HMCN1: variants seen among roughly 807,000 people sequenced by gnomAD.
HMCN1 encodes hemicentin-1.
In HMCN1, 321 loss-of-function variants were observed where a neutral mutation model predicts 625.9. The ratio of observed to expected loss-of-function variants is 0.51; its 90% CI spans 0.47 to 0.56. The LOEUF (loss-of-function observed/expected upper bound fraction) is 0.56, where lower values mean the gene tolerates loss of function less well. HMCN1 is among the 20% of genes least tolerant of loss of function. HMCN1 has a pLI of 0.00. For synonymous variants in HMCN1, 2,425 were observed against 2,417.6 expected, an observed-to-expected ratio of 1.00 and a Z score of -0.09; for missense variants, 6,588 against 6,887.3, an observed-to-expected ratio of 0.96 and a Z score of 1.54.
chr1:185,777,771 A>G (rs1419999878), intron 1 of HMCN1, among the ~76,000 whole-genome samples: 1 of 152,132 alleles, frequency 6.6e-6, no homozygotes, highest in African/African-American at 2.4e-5. Flanking sequence ...CATCTTATTT[A>G]TGTTAGACAT....
chr1:185,814,042 AG>A (rs1659693567), intron 1 of HMCN1, among the ~76,000 whole-genome samples: 1 of 152,188 alleles, frequency 6.6e-6, no homozygotes, highest in South Asian at 2.1e-4. Flanking sequence ...TTCTACACTT[AG>A]TATTGCATAT....
chr1:186,093,847 T>A (rs1264894062), intron 66 of HMCN1, among the ~76,000 whole-genome samples, 178 bp downstream of exon 66: 10 of 152,134 alleles, frequency 6.6e-5, no homozygotes, highest in Non-Finnish European at 1.3e-4. Flanking sequence ...TGATTTTTTA[T>A]CCTTATTTAA....
chr1:185,764,330 A>G (rs1221387227), intron 1 of HMCN1, among the ~76,000 whole-genome samples: 1 of 152,140 alleles, frequency 6.6e-6, no homozygotes, highest in Non-Finnish European at 1.5e-5. Flanking sequence ...AGGATCCACA[A>G]CTAGTATTTC....
At chr1:186,141,029 C>T (rs148693989) in intron 89 of HMCN1, among the ~76,000 whole-genome samples, 2 of 152,206 alleles carry the variant, frequency 1.3e-5, no homozygotes, top group Admixed American at 1.3e-4. Context: ...GCATGTTTTC[C>T]TGCAACTAGA....
chr1:185,858,817 C>T (rs1662666205), intron 2 of HMCN1, among the ~76,000 whole-genome samples: 1 of 151,106 alleles, frequency 6.6e-6, no homozygotes, highest in African/African-American at 2.4e-5. Flanking sequence ...TAGTTTCAGT[C>T]ACATTTCCAT....
chr1:185,877,806 G>A (rs1450004121), intron 4 of HMCN1, among the ~76,000 whole-genome samples: 9 of 151,776 alleles, frequency 5.9e-5, no homozygotes, highest in Admixed American at 5.9e-4. Context: ...TGTGTCACAG[G>A]GTTTTGGTAT....
chr1:185,788,706 G>A (rs887438377), intron 1 of HMCN1, among the ~76,000 whole-genome samples: 1 of 152,190 alleles, frequency 6.6e-6, no homozygotes, highest in African/African-American at 2.4e-5. Context: ...GTGTGTCCAC[G>A]TGTGCTCTTA....
At chr1:186,158,890 TTTGGCTTAGGATTGAC>T (rs1396568512) in intron 97 of HMCN1, among the ~76,000 whole-genome samples, 1 of 152,172 alleles carries the variant, frequency 6.6e-6, no homozygotes, top group Non-Finnish European at 1.5e-5. Flanking sequence ...GCTTTGTTCT[TTTGGCTTAGGATTGAC>T]TTGGCAATGC....
intron 1 of HMCN1, among the ~76,000 whole-genome samples, chr1:185,824,937 G>A (rs888637212): frequency 3.3e-5 from 5 of 151,990 alleles, no homozygotes; most frequent in East Asian, 1.9e-4. Context: ...CTATTATTGC[G>A]GCCAAAGATA....
At chr1:185,804,879 G>A (rs1339101226) in intron 1 of HMCN1, among the ~76,000 whole-genome samples, 2 of 152,012 alleles carry the variant, frequency 1.3e-5, no homozygotes, top group African/African-American at 4.8e-5. Context: ...ACAGATTCCT[G>A]CTGTTAGAAA....
intron 57 of HMCN1, among the ~76,000 whole-genome samples, chr1:186,085,499 T>C (rs1659422782): frequency 6.6e-6 from 1 of 152,142 alleles, no homozygotes; most frequent in African/African-American, 2.4e-5. Flanking sequence ...TGACCTTAAT[T>C]GCTTCCTTAA....
chr1:186,188,475 A>T (rs1005768246), intron 106 of HMCN1, among the ~76,000 whole-genome samples: 1 of 152,192 alleles, frequency 6.6e-6, no homozygotes, highest in Non-Finnish European at 1.5e-5. Context: ...CTGCCCGTTC[A>T]TACATCATCT....
At chr1:185,777,491 C>T (rs999114106) in intron 1 of HMCN1, among the ~76,000 whole-genome samples, 11 of 151,496 alleles carry the variant, frequency 7.3e-5, no homozygotes, top group South Asian at 4.2e-4. Flanking sequence ...CTCGCTCTGT[C>T]GCCAGGCTGG....
chr1:185,838,784 C>G (rs1017621302), intron 1 of HMCN1, among the ~76,000 whole-genome samples: 1 of 152,174 alleles, frequency 6.6e-6, no homozygotes, highest in Admixed American at 6.6e-5. Flanking sequence ...ATATTTCTGA[C>G]TTTTGTAGCT....
chr1:185,902,405 C>CTATCTATCTCTA (rs903275348), intron 4 of HMCN1, among the ~76,000 whole-genome samples: 160 of 145,446 alleles, frequency 1.1e-3, no homozygotes, highest in African/African-American at 2.0e-3. Flanking sequence ...ATCTATCTAT[C>CTATCTATCTCTA]TCTATCTATC....
intron 83 of HMCN1, 50 bp from the exon 84 acceptor site, chr1:186,129,916 T>G (rs749333278): frequency 6.2e-7 from 1 of 1,610,200 alleles, no homozygotes; most frequent in Non-Finnish European, 8.5e-7. Flanking sequence ...TGTCGTGAAA[T>G]TTTTCCTAGG....
At position 186,069,750 on chromosome 1, in the gene HMCN1, T is replaced by C. The variant is rs1238616916; in HGVS notation, c.7967T>C (p.Ile2656Thr). 6.2e-7 allele frequency: 1 copy of C among 1,612,530 alleles called. No individual in the cohort carries two copies. The highest frequency in any genetic ancestry group is 2.2e-5 in the East Asian group (1 of 44,804). The change falls in exon 51 of 107, where the codon ATA (isoleucine) becomes ACA (threonine). Residue 2656 changes from isoleucine (I) to threonine (T), a missense_variant. Ile to Thr is a moderately conservative substitution (Grantham distance 89). Transcript: ENST00000271588. ...GCCACGAATGAGGCTGGAGAAATGA[T>C]AAAGCACTATGAAGTGAAGGTGTAC... ...CVATNEAGEM[I>T]KHYEVKVYIP...
intron 25 of HMCN1, 45 bp from the exon 26 acceptor site, chr1:185,999,998 TTC>T (rs769693799): frequency 8.2e-5 from 108 of 1,317,138 alleles, no homozygotes; most frequent in Non-Finnish European, 1.1e-4. Context: ...ATTTAATAAT[TTC>T]TGTTTTTGTT....
At chr1:186,107,597 T>C (rs1489519529) in intron 70 of HMCN1, among the ~76,000 whole-genome samples, 1 of 152,318 alleles carries the variant, frequency 6.6e-6, no homozygotes, top group South Asian at 2.1e-4. Flanking sequence ...TTTAAAAACA[T>C]TTTTAGTGAC....
Sources: gnomAD v4.1 joint callset for allele counts (sites outside exome capture counted in the v4.1 genomes callset) on GRCh38, gnomAD v4.1.1 for gene constraint, MANE v1.5 for transcripts, NCBI Gene and HGNC (gene_info 2026-07-23, HGNC 2026-07-21) for gene names.